Variants in DSCAML1 observed in about 807,000 individuals in gnomAD.
The protein encoded by DSCAML1 is DS cell adhesion molecule like 1.
Under a neutral mutation model 200.5 loss-of-function variants are expected in DSCAML1, and 38 were observed. That is an observed-to-expected ratio of 0.19 (90% CI 0.15 to 0.25). The LOEUF is 0.25. Ranked by LOEUF, DSCAML1 falls within the 10% of genes least tolerant of loss-of-function variation. The pLI, the probability that DSCAML1 is intolerant of heterozygous loss-of-function variation, is 1.00. For synonymous variants in DSCAML1, 1,215 were observed against 1,165.0 expected (o/e 1.04, Z -0.87); for missense variants, 2,223 against 2,858.8 (o/e 0.78, Z 5.07).
At chr11:117,584,681 GGTTTT>G (rs2051109412) in intron 3 of DSCAML1, among the ~76,000 whole-genome samples, 2 of 152,298 alleles carry the variant, frequency 1.3e-5, no homozygotes, top group South Asian at 4.1e-4. Context: ...CACTTTGGTT[GGTTTT>G]GTTTTTTAAG....
chr11:117,632,470 A>T (rs545353166), intron 3 of DSCAML1, among the ~76,000 whole-genome samples: 1 of 152,178 alleles, frequency 6.6e-6, no homozygotes, highest in Admixed American at 6.5e-5. Context: ...TGCTCATATG[A>T]TGAGTTTCCT....
At position 117,797,025 on chromosome 11, in the gene DSCAML1, A is replaced by C. The variant is rs1002333027; in HGVS notation, c.46+9T>G. ...GCCTCCGCCGCCCAGCCGCCCGCGC[A>C]GGTCTCACCTTTGTGTAAAGAGTCC... On this transcript the variant is annotated intron_variant, in intron 1 of 32. Transcript: ENST00000651296. 2.1e-6 allele frequency: 3 copies of C among 1,455,054 alleles called. No individual in the cohort carries two copies. In the South Asian group the frequency reaches 4.6e-5, roughly 22 times the overall value. The allele number at this position is 1,455,054 out of a possible 1,614,324, so 90.1% of individuals were successfully genotyped here. A position where few individuals can be genotyped will look rare whatever the true frequency, so the allele number is the denominator to read the frequency against.
chr11:117,690,309 T>C lies in DSCAML1; in HGVS notation c.511+86482A>G, dbSNP rs142907153. On this transcript the variant is annotated intron_variant, in intron 3 of 32. Transcript: ENST00000651296. ...TGGGCTCTGAGCCCAGTATGTCCAA[T>C]CCCAGCATGGGGGAGTCTCACAAAG... Among the ~76,000 whole-genome samples the C allele has an allele frequency of 2.5e-3, 380 of 152,294 alleles. 1 individual carries two copies. Among genetic ancestry groups the C allele is most frequent in the Non-Finnish European group, 4.6e-3 (315 of 68,032 alleles).
rs372098451 is a variant in DSCAML1 at position 117,504,065 on chromosome 11, C to G, written c.2183-44G>C. 1.7e-5 allele frequency: 28 copies of G among 1,601,516 alleles called. No individual in the cohort carries two copies. The African/African-American group carries it at 3.3e-4, about 19-fold the overall frequency. ...TAGGAGGGCTGAGTCTGCACTGGGGCATAAGCTGAGAGTGCCCCAGGAGTG... is the reference window on the plus strand; with the variant it reads ...TAGGAGGGCTGAGTCTGCACTGGGGGATAAGCTGAGAGTGCCCCAGGAGTG... On this transcript the variant is annotated intron_variant, in intron 10 of 32. Transcript: ENST00000651296. The surrounding 1 kb of genome is among the most constrained non-coding windows in gnomAD (Gnocchi z 5.0).
At chr11:117,703,610 G>A (rs928561494) in intron 3 of DSCAML1, among the ~76,000 whole-genome samples, 1 of 152,056 alleles carries the variant, frequency 6.6e-6, no homozygotes, top group African/African-American at 2.4e-5. Flanking sequence ...GCCCACTCCC[G>A]ACCATCCCCA....
At chr11:117,808,774 G>A (rs1243576347) in intron 1 of DSCAML1, among the ~76,000 whole-genome samples, 1 of 152,104 alleles carries the variant, frequency 6.6e-6, no homozygotes, top group Non-Finnish European at 1.5e-5. Context: ...TGAAAAACAC[G>A]CAATCACCCA....
At position 117,428,063 on chromosome 11, in the gene DSCAML1, A is replaced by C. The variant is rs963157877; in HGVS notation, c.*265T>G. 69 of 382,614 alleles carry C rather than the reference A, an allele frequency of 1.8e-4. No homozygotes were observed. The highest frequency in any genetic ancestry group is 1.5e-3 in the African/African-American group (67 of 45,712). The allele number at this position is 382,614 out of a possible 1,614,324, so 23.7% of individuals were successfully genotyped here. ...CGTTCCTGTCTGTCTATATATGTATATATATCTCCACACATATTTTGTGGG... is the reference window on the plus strand; with the variant it reads ...CGTTCCTGTCTGTCTATATATGTATCTATATCTCCACACATATTTTGTGGG... On this transcript the variant is annotated 3_prime_UTR_variant, in exon 33 of 33. Transcript: ENST00000651296.
Position 117,542,352 on chromosome 11 carries a change from AC to A in DSCAML1, c.512-9831del, listed in dbSNP as rs58441266. Among the ~76,000 whole-genome samples the A allele has an allele frequency of 9.9e-4, 149 of 151,104 alleles. 2 individuals are homozygous for A. Among genetic ancestry groups the A allele is most frequent in the African/African-American group, 3.5e-3 (141 of 40,606 alleles). ...CACAAAAACAACAACAACAACAACA[AC>A]AAAAAAAAAACAGTGCAGGCGATGT... On this transcript the variant is annotated intron_variant, in intron 3 of 32. Transcript: ENST00000651296.
chr11:117,759,627 G>A (rs1263916530), intron 3 of DSCAML1, among the ~76,000 whole-genome samples: 4 of 152,090 alleles, frequency 2.6e-5, no homozygotes, highest in South Asian at 2.1e-4. Flanking sequence ...TCCCTGCCCC[G>A]CAGGCCCACT....
chr11:117,677,300 C>T (rs2053232267), intron 3 of DSCAML1, among the ~76,000 whole-genome samples: 1 of 152,124 alleles, frequency 6.6e-6, no homozygotes, highest in Non-Finnish European at 1.5e-5. Flanking sequence ...TGGTTCTGAG[C>T]CCCTGAGCCC....
intron 1 of DSCAML1, among the ~76,000 whole-genome samples, chr11:117,808,343 TAGG>T (rs1479894826): frequency 2.0e-5 from 3 of 152,294 alleles, no homozygotes; most frequent in Admixed American, 2.0e-4. Flanking sequence ...GTCAAACCTT[TAGG>T]AGGAGTCCTG....
intron 5 of DSCAML1, 99 bp from the exon 6 acceptor site, chr11:117,521,504 C>T: frequency 7.7e-7 from 1 of 1,305,340 alleles, no homozygotes; most frequent in Non-Finnish European, 1.0e-6. Flanking sequence ...AGTTAGGGGT[C>T]ACAAAAGGCC....
At chr11:117,762,720 A>C (rs1366875098) in intron 3 of DSCAML1, among the ~76,000 whole-genome samples, 1 of 152,016 alleles carries the variant, frequency 6.6e-6, no homozygotes, top group East Asian at 1.9e-4. Context: ...AAAATTAGTC[A>C]GGTGTGGTGG....
intron 3 of DSCAML1, among the ~76,000 whole-genome samples, chr11:117,555,877 G>A (rs1486090974): frequency 6.6e-6 from 1 of 151,798 alleles, no homozygotes. Flanking sequence ...AGAGTATGGA[G>A]GGGGCTCTGA....
chr11:117,588,222 T>A (rs1345537594), intron 3 of DSCAML1, among the ~76,000 whole-genome samples: 2 of 152,146 alleles, frequency 1.3e-5, no homozygotes, highest in Non-Finnish European at 2.9e-5. Context: ...GGGTCCATTT[T>A]TTTTTAACCA....
At chr11:117,717,958 A>G (rs1202944612) in intron 3 of DSCAML1, among the ~76,000 whole-genome samples, 3 of 152,114 alleles carry the variant, frequency 2.0e-5, no homozygotes, top group Non-Finnish European at 4.4e-5. Context: ...TTCAGGGAGG[A>G]ATCCTTGGCA....
intron 3 of DSCAML1, among the ~76,000 whole-genome samples, chr11:117,726,251 C>CTGTG (rs374321961): frequency 2.9e-4 from 44 of 149,284 alleles, no homozygotes; most frequent in African/African-American, 8.6e-4. Context: ...GTGTGTATCT[C>CTGTG]TGTGTGTGTG....
intron 8 of DSCAML1, among the ~76,000 whole-genome samples, chr11:117,512,205 T>C (rs1312308090): frequency 2.0e-5 from 3 of 152,202 alleles, no homozygotes; most frequent in African/African-American, 7.2e-5. Flanking sequence ...TCTAGCTCTC[T>C]GCTCTGAACC....
chr11:117,544,223 C>T (rs1309010390), intron 3 of DSCAML1, among the ~76,000 whole-genome samples: 1 of 152,168 alleles, frequency 6.6e-6, no homozygotes, highest in South Asian at 2.1e-4. Flanking sequence ...CCCCCAGGGA[C>T]CTCCCAATTC....
Sources: gnomAD v4.1 joint callset for allele counts (sites outside exome capture counted in the v4.1 genomes callset) on GRCh38, gnomAD v4.1.1 for gene constraint, Gnocchi (gnomAD v3.1) non-coding constraint, MANE v1.5 for transcripts, NCBI Gene and HGNC (gene_info 2026-07-23, HGNC 2026-07-21) for gene names.